The following ADARB2 variants were observed in gnomAD, a reference collection of about 807,000 sequenced individuals.
ADARB2 encodes the protein inactive double-stranded RNA-specific editase B2.
A neutral mutation model predicts 62.2 loss-of-function variants in ADARB2; 25 were observed. The ratio of observed to expected loss-of-function variants is 0.40; its 90% CI spans 0.29 to 0.56. The LOEUF (loss-of-function observed/expected upper bound fraction) is 0.56, where lower values mean the gene tolerates loss of function less well. Ranked by LOEUF, ADARB2 falls within the 20% of genes least tolerant of loss-of-function variation. The pLI is 0.43. For synonymous variants in ADARB2, 572 were observed against 500.8 expected, an observed-to-expected ratio of 1.14 and a Z score of -1.90; for missense variants, 1,071 against 1,077.4, an observed-to-expected ratio of 0.99 and a Z score of 0.08.
At chr10:1,411,376 G>A (rs1319177277) in intron 1 of ADARB2, among the ~76,000 whole-genome samples, 1 of 152,210 alleles carries the variant, frequency 6.6e-6, no homozygotes, top group Non-Finnish European at 1.5e-5. Context: ...GCCCAGGGCG[G>A]GACCAGCCCA....
At chr10:1,667,644 C>A (rs184341316) in intron 1 of ADARB2, among the ~76,000 whole-genome samples, 4 of 152,234 alleles carry the variant, frequency 2.6e-5, no homozygotes, top group African/African-American at 9.6e-5. Context: ...TTATGCAGCC[C>A]ACACTTAGCA....
intron 1 of ADARB2, among the ~76,000 whole-genome samples, chr10:1,487,829 A>G (rs1831563064): frequency 6.6e-6 from 1 of 152,172 alleles, no homozygotes; most frequent in South Asian, 2.1e-4. Flanking sequence ...GTAGCTCTTC[A>G]CCTACTGGGA....
chr10:1,660,053 T>C (rs1834225385), intron 1 of ADARB2, among the ~76,000 whole-genome samples: 1 of 152,020 alleles, frequency 6.6e-6, no homozygotes, highest in Non-Finnish European at 1.5e-5. Context: ...CTTCCTCCAT[T>C]GCCTGCCCTG....
chr10:1,498,171 G>A (rs1831715708), intron 1 of ADARB2, among the ~76,000 whole-genome samples: 1 of 151,910 alleles, frequency 6.6e-6, no homozygotes, highest in African/African-American at 2.4e-5. Context: ...TCAGGAGTTC[G>A]AAGACCAACC....
At chr10:1,728,284 T>C (rs1440100211) in intron 1 of ADARB2, among the ~76,000 whole-genome samples, 1 of 152,222 alleles carries the variant, frequency 6.6e-6, no homozygotes, top group Non-Finnish European at 1.5e-5. Context: ...CAATTAGTGT[T>C]TCTCTCCATA....
chr10:1,558,861 C>T (rs7914665), intron 1 of ADARB2, among the ~76,000 whole-genome samples: 47,053 of 144,222 alleles, frequency 0.33, 8,511 homozygotes, highest in South Asian at 0.42. Context: ...TCTTCAGAGC[C>T]ATGACCACTT....
chr10:1,219,459 A>G (rs1830661917), intron 6 of ADARB2, among the ~76,000 whole-genome samples: 1 of 152,278 alleles, frequency 6.6e-6, no homozygotes, highest in Non-Finnish European at 1.5e-5. Flanking sequence ...CTTTGGAGAA[A>G]AAACCCTTTG....
intron 1 of ADARB2, among the ~76,000 whole-genome samples, chr10:1,574,687 G>A (rs1200630114): frequency 6.6e-6 from 1 of 152,170 alleles, no homozygotes; most frequent in Non-Finnish European, 1.5e-5. Context: ...AGGACACCAT[G>A]CAGATTGGAG....
At chr10:1,634,160 G>A (rs1418297317) in intron 1 of ADARB2, among the ~76,000 whole-genome samples, 1 of 152,122 alleles carries the variant, frequency 6.6e-6, no homozygotes, top group East Asian at 1.9e-4. Context: ...GAGGACCCTG[G>A]GGCCACACCC....
At chr10:1,467,814 A>G (rs1391425089) in intron 1 of ADARB2, among the ~76,000 whole-genome samples, 1 of 152,238 alleles carries the variant, frequency 6.6e-6, no homozygotes, top group Non-Finnish European at 1.5e-5. Context: ...TTTGAGTCGA[A>G]CACATTAAGC....
chr10:1,524,207 A>G (rs1169827674), intron 1 of ADARB2, among the ~76,000 whole-genome samples: 1 of 152,214 alleles, frequency 6.6e-6, no homozygotes, highest in African/African-American at 2.4e-5. Context: ...TTCTTATAAT[A>G]CAATGAATGT....
chr10:1,583,545 A>C (rs34184780), intron 1 of ADARB2, among the ~76,000 whole-genome samples: 27,503 of 152,088 alleles, frequency 0.18, 2,952 homozygotes, highest in East Asian at 0.39. Context: ...CGAATCATGT[A>C]CAAGATATGA....
intron 1 of ADARB2, among the ~76,000 whole-genome samples, chr10:1,585,102 A>G (rs1177957415): frequency 6.6e-6 from 1 of 152,080 alleles, no homozygotes; most frequent in Non-Finnish European, 1.5e-5. Context: ...CCCTAATGTA[A>G]ACTGTGAACT....
chr10:1,185,680 GCATGGGTT>G (rs975978085), intron 8 of ADARB2, among the ~76,000 whole-genome samples: 20 of 152,234 alleles, frequency 1.3e-4, no homozygotes, highest in Non-Finnish European at 1.9e-4. Flanking sequence ...GTTAAACCAA[GCATGGGTT>G]CGTCTAAGCT....
chr10:1,449,126 G>A (rs1341931933), intron 1 of ADARB2, among the ~76,000 whole-genome samples: 1 of 152,168 alleles, frequency 6.6e-6, no homozygotes, highest in Non-Finnish European at 1.5e-5. Context: ...GTCTGGATGA[G>A]ACCAGGTCCC....
intron 1 of ADARB2, among the ~76,000 whole-genome samples, chr10:1,476,687 A>T (rs1831405378): frequency 6.6e-6 from 1 of 152,190 alleles, no homozygotes; most frequent in African/African-American, 2.4e-5. Flanking sequence ...CAGAAAGGCC[A>T]TCGGCCTCAC....
intron 1 of ADARB2, among the ~76,000 whole-genome samples, chr10:1,487,618 C>T (rs1170065551): frequency 2.6e-5 from 4 of 152,064 alleles, no homozygotes; most frequent in Non-Finnish European, 4.4e-5. Context: ...CTGACTTATT[C>T]CTAAAGTGTA....
Position 1,276,327 on chromosome 10 carries a change from A to G in ADARB2, c.1078-5258T>C, listed in dbSNP as rs1169362565. Among the ~76,000 whole-genome samples the G allele has an allele frequency of 1.3e-4, 20 of 152,056 alleles. 1 individual carries two copies. The highest frequency in any genetic ancestry group is 1.2e-3 in the Admixed American group (18 of 15,266). Reference sequence around the variant, plus strand: ...CTTCTTTTGAGAAGTGTCTGTTCATATCCTTCGCCCACTTTTTGATGGGGC... The same window carrying G: ...CTTCTTTTGAGAAGTGTCTGTTCATGTCCTTCGCCCACTTTTTGATGGGGC... On this transcript the variant is annotated intron_variant, in intron 3 of 9. Coordinates refer to ENST00000381312, the MANE Select transcript of ADARB2 (RefSeq NM_018702.4).
intron 5 of ADARB2, among the ~76,000 whole-genome samples, chr10:1,241,608 GC>G (rs981084812): frequency 6.6e-6 from 1 of 152,228 alleles, no homozygotes; most frequent in African/African-American, 2.4e-5. Context: ...ACAGGAGGCT[GC>G]CCCATGACAG....
Sources: allele counts gnomAD v4.1 joint callset (sites outside exome capture counted in the v4.1 genomes callset), GRCh38; gene constraint gnomAD v4.1.1; transcripts MANE v1.5; gene names NCBI Gene and HGNC (gene_info 2026-07-23, HGNC 2026-07-21).